The following NKAIN3 variants were observed in gnomAD, a reference collection of about 807,000 sequenced individuals.
NKAIN3 encodes the protein sodium/potassium transporting ATPase interacting 3.
In NKAIN3, 25 loss-of-function variants were observed where a neutral mutation model predicts 30.2. That is an observed-to-expected ratio of 0.83 (90% CI 0.60 to 1.16). The LOEUF (loss-of-function observed/expected upper bound fraction) is 1.16, where lower values mean the gene tolerates loss of function less well. Among genes scored for constraint, NKAIN3 ranks in the 50% most tolerant of loss-of-function variants. The probability of loss-of-function intolerance (pLI) is 0.00; values close to 1 mark genes in which losing one functional copy is unlikely to be tolerated. For synonymous variants in NKAIN3, 91 were observed against 89.6 expected, an observed-to-expected ratio of 1.02 and a Z score of -0.09; for missense variants, 225 against 254.1, an observed-to-expected ratio of 0.89 and a Z score of 0.78.
chr8:62,502,844 G>A (rs1807504193), intron 1 of NKAIN3, among the ~76,000 whole-genome samples: 2 of 152,192 alleles, frequency 1.3e-5, no homozygotes, highest in East Asian at 1.9e-4. Context: ...CAAGAGCATG[G>A]CCTTTGTCTT....
At chr8:62,681,155 A>G (rs1813632720) in intron 3 of NKAIN3, among the ~76,000 whole-genome samples, 1 of 152,204 alleles carries the variant, frequency 6.6e-6, no homozygotes, top group Non-Finnish European at 1.5e-5. Flanking sequence ...ATCCTGTCTC[A>G]ATAATCTGTA....
At chr8:62,768,278 G>A (rs1217182705) in intron 4 of NKAIN3, among the ~76,000 whole-genome samples, 2 of 152,128 alleles carry the variant, frequency 1.3e-5, no homozygotes, top group African/African-American at 4.8e-5. Context: ...CTTACTGGAA[G>A]ATTGCCATCC....
At position 62,474,566 on chromosome 8, in the gene NKAIN3, A is replaced by G. The variant is rs181212607; in HGVS notation, c.55-104973A>G. 1.7e-3 allele frequency among the ~76,000 whole-genome samples: 265 copies of G among 152,328 alleles called. 1 individual carries two copies. Among genetic ancestry groups the G allele is most frequent in the African/African-American group, 6.1e-3 (254 of 41,578 alleles). On this transcript the variant is annotated intron_variant, in intron 1 of 6. Transcript: ENST00000623646. Reference sequence around the variant, plus strand: ...CCAGTTCTTAGAGAGGAATAATAATAAATTTAAGAAACAATGACAGCATGA... The same window carrying G: ...CCAGTTCTTAGAGAGGAATAATAATGAATTTAAGAAACAATGACAGCATGA...
At chr8:62,515,474 C>A (rs1807957690) in intron 1 of NKAIN3, among the ~76,000 whole-genome samples, 1 of 152,064 alleles carries the variant, frequency 6.6e-6, no homozygotes, top group South Asian at 2.1e-4. Context: ...CCTCTATCTT[C>A]TTTTCTTAAC....
intron 4 of NKAIN3, among the ~76,000 whole-genome samples, chr8:62,815,075 G>A (rs1041990323): frequency 1.3e-5 from 2 of 152,120 alleles, no homozygotes; most frequent in African/African-American, 2.4e-5. Context: ...CTACCCATCA[G>A]AGAATACTAT....
intron 5 of NKAIN3, among the ~76,000 whole-genome samples, chr8:62,953,301 G>A (rs1169689918): frequency 6.6e-6 from 1 of 152,218 alleles, no homozygotes; most frequent in African/African-American, 2.4e-5. Context: ...ATTAGAATTG[G>A]GAGAAGAAAA....
intron 3 of NKAIN3, among the ~76,000 whole-genome samples, chr8:62,648,334 T>G (rs1014592510): frequency 6.6e-6 from 1 of 151,982 alleles, no homozygotes; most frequent in African/African-American, 2.4e-5. Context: ...TCTAGAAGAA[T>G]GTGTGTCGGG....
chr8:62,817,405 G>T (rs1818718195), intron 4 of NKAIN3, among the ~76,000 whole-genome samples: 2 of 151,994 alleles, frequency 1.3e-5, no homozygotes, highest in African/African-American at 4.8e-5. Context: ...GTTTCGAGTG[G>T]GAAGTTTTAG....
At position 62,598,424 on chromosome 8, in the gene NKAIN3, G is replaced by A. The variant is rs539488116; in HGVS notation, c.273+8630G>A. The stretch of plus-strand genomic sequence containing the variant: ...AGTGCCTAAGCGAAACCCATAGAGG[G>A]AGGGTGGGGACATAACTCCAATGTT... On this transcript the variant is annotated intron_variant, in intron 3 of 6. Transcript: ENST00000623646. Among the ~76,000 whole-genome samples, 12 of 152,166 alleles carry A rather than the reference G, an allele frequency of 7.9e-5. No homozygotes were observed. In the South Asian group the frequency reaches 2.5e-3, roughly 32 times the overall value.
intron 3 of NKAIN3, among the ~76,000 whole-genome samples, chr8:62,649,524 GT>G (rs1314182262): frequency 6.6e-6 from 1 of 151,650 alleles, no homozygotes; most frequent in African/African-American, 2.4e-5. Flanking sequence ...TCTGTCATTT[GT>G]ACCCGAAAGA....
At chr8:62,674,658 A>G (rs1813416234) in intron 3 of NKAIN3, among the ~76,000 whole-genome samples, 1 of 152,314 alleles carries the variant, frequency 6.6e-6, no homozygotes, top group African/African-American at 2.4e-5. Flanking sequence ...GTGGAGGGGT[A>G]GATTTTGATT....
At chr8:62,853,806 G>C (rs938723023) in intron 4 of NKAIN3, among the ~76,000 whole-genome samples, 1 of 152,098 alleles carries the variant, frequency 6.6e-6, no homozygotes, top group African/African-American at 2.4e-5. Context: ...GTTAACTCGA[G>C]ATCTTTCTAG....
At chr8:62,637,218 A>G (rs1812158386) in intron 3 of NKAIN3, among the ~76,000 whole-genome samples, 1 of 152,184 alleles carries the variant, frequency 6.6e-6, no homozygotes, top group Non-Finnish European at 1.5e-5. Flanking sequence ...ATTTCCTGGC[A>G]TCTTTGAAGA....
At chr8:62,415,543 ATAGAC>A (rs1323665649) in intron 1 of NKAIN3, among the ~76,000 whole-genome samples, 1 of 150,372 alleles carries the variant, frequency 6.7e-6, no homozygotes, top group Non-Finnish European at 1.5e-5. Flanking sequence ...TTAACTGCAT[ATAGAC>A]TCCACTCTTT....
chr8:62,542,381 G>GT (rs202075583), intron 1 of NKAIN3, among the ~76,000 whole-genome samples: 17 of 151,770 alleles, frequency 1.1e-4, no homozygotes, highest in East Asian at 3.9e-4. Context: ...ACTGTTCTTT[G>GT]TTTTTTTTGG....
At chr8:62,476,080 C>G (rs41433850) in intron 1 of NKAIN3, among the ~76,000 whole-genome samples, 57,561 of 151,976 alleles carry the variant, frequency 0.38, 11,337 homozygotes, top group South Asian at 0.45. Flanking sequence ...TATCATCATT[C>G]TAGTTAATAT....
At chr8:62,803,459 C>T (rs1319461881) in intron 4 of NKAIN3, among the ~76,000 whole-genome samples, 1 of 152,150 alleles carries the variant, frequency 6.6e-6, no homozygotes. Context: ...GATTCAGAAA[C>T]TCACTCAAAA....
At chr8:62,500,176 G>A (rs1807381072) in intron 1 of NKAIN3, among the ~76,000 whole-genome samples, 1 of 152,052 alleles carries the variant, frequency 6.6e-6, no homozygotes, top group Non-Finnish European at 1.5e-5. Flanking sequence ...ACCCAGAGAA[G>A]TTAAATATGC....
At chr8:62,503,338 T>C (rs1355399341) in intron 1 of NKAIN3, among the ~76,000 whole-genome samples, 1 of 152,110 alleles carries the variant, frequency 6.6e-6, no homozygotes, top group African/African-American at 2.4e-5. Flanking sequence ...GGTCACATGC[T>C]TCAAGGGGCA....
Sources: gnomAD v4.1 joint callset for allele counts (sites outside exome capture counted in the v4.1 genomes callset) on GRCh38, gnomAD v4.1.1 for gene constraint, MANE v1.5 for transcripts, NCBI Gene and HGNC (gene_info 2026-07-23, HGNC 2026-07-21) for gene names.